ULK4: variants seen among roughly 807,000 people sequenced by gnomAD.
The protein encoded by ULK4 is inactive serine/threonine-protein kinase ULK4.
ULK4 carries 133 observed loss-of-function variants against 160.6 expected under a neutral mutation model. The ratio of observed to expected loss-of-function variants is 0.83; its 90% CI spans 0.72 to 0.96. The LOEUF is 0.96. Ranked by LOEUF, ULK4 falls within the 40% of genes least tolerant of loss-of-function variation. ULK4 has a pLI of 0.00. For missense variants in ULK4, 1,580 were observed against 1,499.5 expected (o/e 1.05, Z -0.89); for synonymous variants, 534 against 539.8 (o/e 0.99, Z 0.15).
chr3:41,442,211 C>T (rs7621410), intron 34 of ULK4, among the ~76,000 whole-genome samples: 86,112 of 151,978 alleles, frequency 0.57, 25,608 homozygotes, highest in African/African-American at 0.77. Flanking sequence ...ATTAGGGAGC[C>T]AGGACAGGAC....
At chr3:41,551,238 C>T (rs907554180) in intron 32 of ULK4, among the ~76,000 whole-genome samples, 72 of 151,344 alleles carry the variant, frequency 4.8e-4, no homozygotes, top group Non-Finnish European at 8.9e-5. Flanking sequence ...CAGAAAAGAA[C>T]AAACCAAAAC....
intron 34 of ULK4, among the ~76,000 whole-genome samples, chr3:41,404,432 T>C (rs1045745034): frequency 1.3e-5 from 2 of 152,210 alleles, no homozygotes; most frequent in African/African-American, 4.8e-5. Context: ...TTTCATGATA[T>C]ACATTTTTCT....
chr3:41,707,325 C>T (rs935002433), intron 25 of ULK4, among the ~76,000 whole-genome samples: 5 of 151,958 alleles, frequency 3.3e-5, no homozygotes, highest in East Asian at 1.9e-4. Context: ...TTTTTTAGAT[C>T]GGACCCAAAC....
chr3:41,806,463 GT>G (rs1297504778), intron 19 of ULK4, among the ~76,000 whole-genome samples: 2 of 152,058 alleles, frequency 1.3e-5, no homozygotes, highest in East Asian at 1.9e-4. Context: ...TTTTTCAAGG[GT>G]TTTTTGTGTC....
chr3:41,538,047 C>T (rs368812991), intron 32 of ULK4, among the ~76,000 whole-genome samples: 1 of 152,050 alleles, frequency 6.6e-6, no homozygotes, highest in African/African-American at 2.4e-5. Flanking sequence ...TCTTGGTCAG[C>T]AGTTCCTTCT....
At chr3:41,486,662 G>T (rs548389658) in intron 32 of ULK4, among the ~76,000 whole-genome samples, 147 of 152,264 alleles carry the variant, frequency 9.7e-4, no homozygotes, top group African/African-American at 3.5e-3. Flanking sequence ...TCCTGAGTTG[G>T]AAGTATGGGC....
chr3:41,484,584 C>T (rs2084446767), intron 32 of ULK4, among the ~76,000 whole-genome samples: 1 of 152,016 alleles, frequency 6.6e-6, no homozygotes, highest in South Asian at 2.1e-4. Context: ...TCCGGAGTAG[C>T]TGGGACTACA....
intron 22 of ULK4, among the ~76,000 whole-genome samples, chr3:41,721,279 T>TTTTTTTTTTTTTTTTTTTTTTTTTTTTTG (rs67078043): frequency 2.0e-5 from 2 of 98,922 alleles, no homozygotes; most frequent in Admixed American, 1.1e-4. Flanking sequence ...TTTTTTTTTT[T>TTTTTTTTTTTTTTTTTTTTTTTTTTTTTG]TTTTTGGGTT....
intron 34 of ULK4, among the ~76,000 whole-genome samples, chr3:41,404,806 C>T (rs1195406632): frequency 6.6e-6 from 1 of 152,206 alleles, no homozygotes; most frequent in Admixed American, 6.5e-5. Flanking sequence ...CATATTATGA[C>T]ACAGCAAGAA....
intron 35 of ULK4, among the ~76,000 whole-genome samples, chr3:41,370,765 C>T (rs1038103477): frequency 1.3e-5 from 2 of 152,190 alleles, no homozygotes; most frequent in East Asian, 3.9e-4. Context: ...TTCCAAACCC[C>T]AGTGGCGCCT....
chr3:41,384,846 A>C (rs575342090), intron 35 of ULK4, among the ~76,000 whole-genome samples: 88 of 152,234 alleles, frequency 5.8e-4, no homozygotes, highest in African/African-American at 2.0e-3. Context: ...CGGCCTCCCA[A>C]AGTACTGGGA....
chr3:41,676,482 C>G (rs562494187), intron 29 of ULK4, among the ~76,000 whole-genome samples: 2 of 152,086 alleles, frequency 1.3e-5, no homozygotes, highest in East Asian at 3.9e-4. Flanking sequence ...ACACATGCTC[C>G]CTCCAAATTT....
At chr3:41,700,792 T>A (rs2036647377) in intron 27 of ULK4, among the ~76,000 whole-genome samples, 1 of 152,134 alleles carries the variant, frequency 6.6e-6, no homozygotes, top group Non-Finnish European at 1.5e-5. Context: ...TTACCACATA[T>A]ACTGTAGAAC....
chr3:41,752,419 A>C lies in ULK4; in HGVS notation c.2321+1942T>G, dbSNP rs1164152922. Among the ~76,000 whole-genome samples, 4 of 152,282 alleles carry C rather than the reference A, an allele frequency of 2.6e-5. No individual in the cohort carries two copies. In the East Asian group the frequency reaches 7.7e-4, roughly 29 times the overall value. On this transcript the variant is annotated intron_variant, in intron 22 of 36. Coordinates refer to ENST00000301831, the MANE Select transcript of ULK4 (RefSeq NM_017886.4). ...CAGGATTCACCCTCCCATCTAAAAC[A>C]ACCAAAAAATAGCCAAAATACATGA... is the stretch of plus-strand genomic sequence containing the variant.
chr3:41,744,635 C>T (rs1257313397), intron 22 of ULK4, among the ~76,000 whole-genome samples: 1 of 151,858 alleles, frequency 6.6e-6, no homozygotes, highest in Non-Finnish European at 1.5e-5. Flanking sequence ...CAACACCCTA[C>T]TTTCAGAAAT....
chr3:41,596,273 TGA>T (rs2031686193), intron 31 of ULK4, among the ~76,000 whole-genome samples: 1 of 152,216 alleles, frequency 6.6e-6, no homozygotes, highest in East Asian at 1.9e-4. Context: ...AATTTCCAGC[TGA>T]GATATAGTCA....
chr3:41,344,441 C>T (rs1260876496), intron 35 of ULK4, among the ~76,000 whole-genome samples: 2 of 152,012 alleles, frequency 1.3e-5, no homozygotes, highest in African/African-American at 2.4e-5. Flanking sequence ...ATGAAAACAC[C>T]AAAAGCAACT....
intron 17 of ULK4, among the ~76,000 whole-genome samples, chr3:41,879,796 T>C (rs561565471): frequency 6.6e-6 from 1 of 152,216 alleles, no homozygotes; most frequent in Non-Finnish European, 1.5e-5. Context: ...AGAAATTTAA[T>C]GAATGGGTTA....
At chr3:41,323,572 A>T (rs2080286743) in intron 35 of ULK4, among the ~76,000 whole-genome samples, 1 of 152,146 alleles carries the variant, frequency 6.6e-6, no homozygotes, top group South Asian at 2.1e-4. Context: ...CATTGGTCTC[A>T]GCACTACTAC....
Sources: gnomAD v4.1 joint callset for allele counts (sites outside exome capture counted in the v4.1 genomes callset) on GRCh38, gnomAD v4.1.1 for gene constraint, MANE v1.5 for transcripts, NCBI Gene and HGNC (gene_info 2026-07-23, HGNC 2026-07-21) for gene names.